MCTP1: variants seen among roughly 807,000 people sequenced by gnomAD.
MCTP1 encodes multiple C2 and transmembrane domain containing 1, also known as multiple C2 and transmembrane domain-containing protein 1.
MCTP1 carries 69 observed loss-of-function variants against 120.6 expected under a neutral mutation model. The observed-to-expected ratio is 0.57, with a 90% CI of 0.47 to 0.70. The LOEUF is 0.70. Ranked by LOEUF, MCTP1 falls within the 30% of genes least tolerant of loss-of-function variation. MCTP1 has a pLI of 0.00. For synonymous variants in MCTP1, 529 were observed against 493.1 expected (o/e 1.07, Z -0.96); for missense variants, 1,203 against 1,248.8 (o/e 0.96, Z 0.55).
At chr5:94,884,671 C>G (rs1190191851) in intron 12 of MCTP1, among the ~76,000 whole-genome samples, 1 of 152,082 alleles carries the variant, frequency 6.6e-6, no homozygotes, top group Non-Finnish European at 1.5e-5. Context: ...TTGAACACAT[C>G]TTAATTAAAG....
intron 1 of MCTP1, among the ~76,000 whole-genome samples, chr5:95,278,299 C>A (rs1178616893): frequency 6.6e-6 from 1 of 151,868 alleles, no homozygotes; most frequent in African/African-American, 2.4e-5. Flanking sequence ...TCAATGGTGC[C>A]GACAAATCAA....
intron 1 of MCTP1, among the ~76,000 whole-genome samples, chr5:95,250,293 C>T (rs1376479688): frequency 6.6e-6 from 1 of 152,194 alleles, no homozygotes; most frequent in East Asian, 1.9e-4. Context: ...AGCCACTCTG[C>T]ATCGCCCCAT....
At chr5:95,192,097 C>A (rs111763121) in intron 1 of MCTP1, among the ~76,000 whole-genome samples, 5 of 151,916 alleles carry the variant, frequency 3.3e-5, no homozygotes, top group Non-Finnish European at 5.9e-5. Context: ...CCATACCCTG[C>A]TGCTACCTAA....
At chr5:94,956,595 CA>C (rs749555563) in intron 2 of MCTP1, among the ~76,000 whole-genome samples, 67 of 152,034 alleles carry the variant, frequency 4.4e-4, no homozygotes, top group Non-Finnish European at 6.9e-4. Flanking sequence ...AGCTGAAAAA[CA>C]CAGCATGAGA....
intron 19 of MCTP1, among the ~76,000 whole-genome samples, chr5:94,731,576 A>G (rs977786717): frequency 6.6e-6 from 1 of 152,180 alleles, no homozygotes; most frequent in African/African-American, 2.4e-5. Context: ...GCCTCTGTTT[A>G]TGAATGCTCC....
chr5:95,132,849 C>A (rs1251419707), intron 1 of MCTP1, among the ~76,000 whole-genome samples: 1 of 152,182 alleles, frequency 6.6e-6, no homozygotes, highest in Admixed American at 6.5e-5. Context: ...TCTTTACTAA[C>A]CTATGTAAAA....
intron 17 of MCTP1, among the ~76,000 whole-genome samples, chr5:94,814,811 T>C (rs555466844): frequency 2.0e-5 from 3 of 152,098 alleles, no homozygotes; most frequent in Non-Finnish European, 2.9e-5. Context: ...AGAATGAGGA[T>C]AGTGTATTCA....
At chr5:95,176,193 T>C (rs1582447592) in intron 1 of MCTP1, among the ~76,000 whole-genome samples, 1 of 152,188 alleles carries the variant, frequency 6.6e-6, no homozygotes, top group Non-Finnish European at 1.5e-5. Flanking sequence ...ATTTGTTTAG[T>C]ATGCCCAGCA....
intron 2 of MCTP1, among the ~76,000 whole-genome samples, chr5:94,973,869 G>T (rs1827460806): frequency 2.0e-5 from 3 of 152,058 alleles, no homozygotes; most frequent in African/African-American, 7.2e-5. Flanking sequence ...GAAAGCCTGG[G>T]TTCCAATCTC....
chr5:95,138,032 A>C (rs1759577137), intron 1 of MCTP1, among the ~76,000 whole-genome samples: 1 of 152,194 alleles, frequency 6.6e-6, no homozygotes. Context: ...CAATCACGCA[A>C]ATGTGTTTTC....
rs193256411 is a variant in MCTP1, at chr5:94,948,392, C to T, written c.981+4827G>A. On this transcript the variant is annotated intron_variant, in intron 3 of 22. Transcript: ENST00000515393. ...ATTTTCCCGAGACTCAATAACTTCC[C>T]ATATTCTTTGCCCACAATCCAAAAG... Among the ~76,000 whole-genome samples the T allele has an allele frequency of 2.2e-3, 341 of 152,246 alleles. 1 individual carries two copies. The highest frequency in any genetic ancestry group is 3.4e-3 in the Non-Finnish European group (228 of 68,014).
intron 1 of MCTP1, among the ~76,000 whole-genome samples, chr5:95,020,773 G>A (rs1013424217): frequency 2.6e-5 from 4 of 151,820 alleles, no homozygotes; most frequent in African/African-American, 9.7e-5. Context: ...TAAGTGTACT[G>A]CGTGAAATAG....
At chr5:94,746,459 A>C (rs1287196229) in intron 19 of MCTP1, among the ~76,000 whole-genome samples, 3 of 152,226 alleles carry the variant, frequency 2.0e-5, no homozygotes, top group Admixed American at 1.3e-4. Context: ...GATGCTCTTT[A>C]AGTAGTTACA....
intron 1 of MCTP1, among the ~76,000 whole-genome samples, chr5:95,099,300 C>T (rs1756522269): frequency 6.6e-6 from 1 of 151,934 alleles, no homozygotes; most frequent in Admixed American, 6.5e-5. Flanking sequence ...AGAGCTTCTG[C>T]ACAGCAAAAG....
intron 1 of MCTP1, among the ~76,000 whole-genome samples, chr5:95,019,957 T>C (rs915862176): frequency 6.6e-6 from 1 of 152,138 alleles, no homozygotes; most frequent in Non-Finnish European, 1.5e-5. Flanking sequence ...CCCAGCAAAC[T>C]TTGTTGAGGT....
At chr5:94,925,294 G>A (rs1812760179) in intron 6 of MCTP1, among the ~76,000 whole-genome samples, 1 of 152,150 alleles carries the variant, frequency 6.6e-6, no homozygotes, top group African/African-American at 2.4e-5. Context: ...AAGAAAAACA[G>A]CATAAACTAT....
intron 17 of MCTP1, among the ~76,000 whole-genome samples, chr5:94,802,689 G>A (rs1170561214): frequency 6.6e-6 from 1 of 152,196 alleles, no homozygotes; most frequent in Non-Finnish European, 1.5e-5. Context: ...TACATTTTCA[G>A]AGGTATTGGG....
chr5:94,985,824 C>T (rs533571703), intron 2 of MCTP1, among the ~76,000 whole-genome samples: 6 of 152,166 alleles, frequency 3.9e-5, no homozygotes, highest in Non-Finnish European at 8.8e-5. Flanking sequence ...AATTATTAAA[C>T]AGCCATGGAA....
intron 3 of MCTP1, among the ~76,000 whole-genome samples, chr5:94,952,952 C>T (rs1199199720): frequency 2.6e-5 from 4 of 152,208 alleles, no homozygotes; most frequent in East Asian, 1.9e-4. Flanking sequence ...CCAAACTGCA[C>T]TAAATCAGTT....
Sources: allele counts gnomAD v4.1 joint callset (sites outside exome capture counted in the v4.1 genomes callset), GRCh38; gene constraint gnomAD v4.1.1; transcripts MANE v1.5; gene names NCBI Gene and HGNC (gene_info 2026-07-23, HGNC 2026-07-21).